CLEC2D: variants seen among roughly 807,000 people sequenced by gnomAD.
CLEC2D encodes C-type lectin related f.
CLEC2D carries 16 observed loss-of-function variants against 20.0 expected under a neutral mutation model. That is an observed-to-expected ratio of 0.80 (90% CI 0.54 to 1.22). The LOEUF is 1.22. CLEC2D is among the 50% of genes most tolerant of loss of function. The pLI is 0.00. For synonymous variants in CLEC2D, 77 were observed against 71.1 expected (o/e 1.08, Z -0.42); for missense variants, 207 against 221.5 (o/e 0.93, Z 0.42).
intron 3 of CLEC2D, among the ~76,000 whole-genome samples, 187 bp from the exon 4 acceptor site, chr12:9,692,639 TCA>T (rs1431795708): frequency 1.3e-5 from 2 of 152,184 alleles, no homozygotes; most frequent in African/African-American, 4.8e-5. Context: ...ACAATTTCTC[TCA>T]GTTTTAAATT....
In CLEC2D at chr12:9,695,727, C is replaced by T; in HGVS notation, c.*853C>T. The T allele has an allele frequency of 6.7e-7, 1 of 1,488,986 alleles. No homozygotes were observed. The highest frequency in any genetic ancestry group is 1.4e-5 in the African/African-American group (1 of 72,572). 92.2% of individuals were successfully genotyped at this position (1,488,986 alleles called of 1,614,324 possible). A position where few individuals can be genotyped will look rare whatever the true frequency, so the allele number is the denominator to read the frequency against. ...GGCCAGTGCATATTAGTGGACAGCA[C>T]TTAGTAGCTGTGAAGGAAGGTGCAG... On this transcript the variant is annotated 3_prime_UTR_variant, in exon 5 of 5. Transcript: ENST00000290855.
rs1866038672 is a variant in CLEC2D, at chr12:9,698,014, A to G, written c.*3140A>G. The G allele has an allele frequency of 6.6e-6, 1 of 152,210 alleles. No individual in the cohort carries two copies. Among genetic ancestry groups the G allele is most frequent in the Admixed American group, 6.5e-5 (1 of 15,276 alleles). 9.4% of individuals were successfully genotyped at this position (152,210 alleles called of 1,614,324 possible). Reference sequence around the variant, plus strand: ...AAAAACATCACATTATACACATCAAATATATACAATAAAAAAGCACATTGG... The same window carrying G: ...AAAAACATCACATTATACACATCAAGTATATACAATAAAAAAGCACATTGG... On this transcript the variant is annotated 3_prime_UTR_variant, in exon 5 of 5. Transcript: ENST00000290855.
At chr12:9,690,337 T>C (rs1485581846) in intron 3 of CLEC2D, among the ~76,000 whole-genome samples, 1 of 152,080 alleles carries the variant, frequency 6.6e-6, no homozygotes, top group Non-Finnish European at 1.5e-5. Flanking sequence ...TTATTACCAG[T>C]AGACATGTGC....
rs922966586 is a variant in CLEC2D, at chr12:9,695,892, T to C, written c.*1018T>C. ...ATGATGAAGATGATGATGATGATGA[T>C]GACGAGGAAGCTGAAGAAAAAGCGC... On this transcript the variant is annotated 3_prime_UTR_variant, in exon 5 of 5. Transcript: ENST00000290855. The C allele has an allele frequency of 7.8e-5, 86 of 1,103,278 alleles. No individual in the cohort carries two copies. The Middle Eastern group carries it at 8.5e-4, about 11-fold the overall frequency. The allele number at this position is 1,103,278 out of a possible 1,614,324, so 68.3% of individuals were successfully genotyped here.
chr12:9,684,969 C>T (rs1294299037), intron 2 of CLEC2D, among the ~76,000 whole-genome samples: 2 of 152,162 alleles, frequency 1.3e-5, no homozygotes, highest in South Asian at 2.1e-4. Context: ...AGCTCCTCTT[C>T]GTACCTCTGG....
chr12:9,681,144 T>C (rs915497282), intron 2 of CLEC2D, 111 bp downstream of exon 2: 2 of 622,596 alleles, frequency 3.2e-6, no homozygotes, highest in Non-Finnish European at 5.4e-6. Context: ...ATTGTCTCAC[T>C]AACTGAGTTA....
intron 1 of CLEC2D, among the ~76,000 whole-genome samples, chr12:9,677,043 AT>A (rs58691816): frequency 0.5 from 72,500 of 145,024 alleles, 17,728 homozygotes; most frequent in Middle Eastern, 0.57. Context: ...AGCCTTATCC[AT>A]TTTTTTTTTT....
At position 9,697,805 on chromosome 12, in the gene CLEC2D, C is replaced by G. The variant is rs985551732; in HGVS notation, c.*2931C>G. 2 of 151,940 alleles carry G rather than the reference C, an allele frequency of 1.3e-5. No homozygotes were observed. The highest frequency in any genetic ancestry group is 6.6e-5 in the Admixed American group (1 of 15,250). 9.4% of individuals were successfully genotyped at this position (151,940 alleles called of 1,614,324 possible). ...ATACAGAGACACAGGTCAAAAGATACAGAGTTGCAGTTACAAAGGGTGAGT... is the reference window on the plus strand; with the variant it reads ...ATACAGAGACACAGGTCAAAAGATAGAGAGTTGCAGTTACAAAGGGTGAGT... On this transcript the variant is annotated 3_prime_UTR_variant, in exon 5 of 5. Coordinates refer to ENST00000290855, the MANE Select transcript of CLEC2D (RefSeq NM_013269.6).
rs1230235081 is a variant in CLEC2D, at chr12:9,677,723, T to A, written c.62-3200T>A. On this transcript the variant is annotated intron_variant, in intron 1 of 4. Coordinates refer to ENST00000290855, the MANE Select transcript of CLEC2D (RefSeq NM_013269.6). ...TCTTTCTTTCTTTTTTTTTTTTTTT[T>A]TTTTTATTTTGTTGTTTTTGAGACA... 6.2e-4 allele frequency among the ~76,000 whole-genome samples: 93 copies of A among 150,592 alleles called. 1 individual carries two copies. The highest frequency in any genetic ancestry group is 2.0e-3 in the African/African-American group (84 of 41,154).
At chr12:9,685,410 A>G (rs2120944321) in intron 2 of CLEC2D, among the ~76,000 whole-genome samples, 1 of 152,318 alleles carries the variant, frequency 6.6e-6, no homozygotes, top group African/African-American at 2.4e-5. Context: ...GCTGGCAGGA[A>G]TGTTTAAGTC....
At chr12:9,687,134 A>C (rs1484418751) in intron 2 of CLEC2D, among the ~76,000 whole-genome samples, 1 of 152,158 alleles carries the variant, frequency 6.6e-6, no homozygotes, top group African/African-American at 2.4e-5. Context: ...CATTATTATT[A>C]CATTGTGTAA....
At chr12:9,674,763 T>A (rs7972035) in intron 1 of CLEC2D, among the ~76,000 whole-genome samples, 13,070 of 152,312 alleles carry the variant, frequency 0.086, 611 homozygotes, top group African/African-American at 0.12. Context: ...ATAATTTGTC[T>A]TTTCATTATT....
rs1026620592 is a variant in CLEC2D at position 9,698,955 on chromosome 12, C to A, written c.*4081C>A. The A allele has an allele frequency of 7.2e-5, 11 of 152,124 alleles. No homozygotes were observed. In the East Asian group the frequency reaches 1.3e-3, roughly 19 times the overall value. 9.4% of individuals were successfully genotyped at this position (152,124 alleles called of 1,614,324 possible). A position where few individuals can be genotyped will look rare whatever the true frequency, so the allele number is the denominator to read the frequency against. On this transcript the variant is annotated 3_prime_UTR_variant, in exon 5 of 5. Transcript: ENST00000290855. ...AATAAGAAAACAGTTAATTCTGGTG[C>A]CTTCCATGGGTTTTCATTAACTGAA...
In CLEC2D at chr12:9,698,922, A is replaced by G. The variant is rs1455920982; in HGVS notation, c.*4048A>G. On this transcript the variant is annotated 3_prime_UTR_variant, in exon 5 of 5. Coordinates refer to ENST00000290855, the MANE Select transcript of CLEC2D (RefSeq NM_013269.6). ...GTTCCTTTATCTGCTTTAAGTTCAG[A>G]CTCACCAAATAAGAAAACAGTTAAT... The G allele has an allele frequency of 2.0e-5, 3 of 152,134 alleles. No homozygotes were observed. The highest frequency in any genetic ancestry group is 4.4e-5 in the Non-Finnish European group (3 of 68,010). The allele number at this position is 152,134 out of a possible 1,614,324, so 9.4% of individuals were successfully genotyped here. A position where few individuals can be genotyped will look rare whatever the true frequency, so the allele number is the denominator to read the frequency against.
At chr12:9,693,806 G>C (rs1019278999) in intron 4 of CLEC2D, 16 of 448,052 alleles carry the variant, frequency 3.6e-5, no homozygotes, top group Non-Finnish European at 5.8e-5. Context: ...ATGGTTTTTT[G>C]TTTGTTTGTA....
At chr12:9,672,246 C>G (rs1218071352) in intron 1 of CLEC2D, among the ~76,000 whole-genome samples, 1 of 152,134 alleles carries the variant, frequency 6.6e-6, no homozygotes, top group Non-Finnish European at 1.5e-5. Context: ...AAACCCACTC[C>G]CATTATAAGG....
chr12:9,690,776 G>T (rs370556343), intron 3 of CLEC2D, among the ~76,000 whole-genome samples: 1 of 151,694 alleles, frequency 6.6e-6, no homozygotes, highest in Admixed American at 6.6e-5. Context: ...AAGGAAAAAA[G>T]AAAAACAATA....
Position 9,696,312 on chromosome 12 carries a change from T to C in CLEC2D, c.*1438T>C. 1.6e-6 allele frequency: 1 copy of C among 640,566 alleles called. No homozygotes were observed. The highest frequency in any genetic ancestry group is 1.5e-5 in the South Asian group (1 of 64,932). 39.7% of individuals were successfully genotyped at this position (640,566 alleles called of 1,614,324 possible). On this transcript the variant is annotated 3_prime_UTR_variant, in exon 5 of 5. Transcript: ENST00000290855. The stretch of plus-strand genomic sequence containing the variant: ...AGTTGATATCTGGCTGTCCTTTTTA[T>C]AGTGCAGAGTGAGAACTTTCCCTAC...
chr12:9,685,648 A>G (rs561778810), intron 2 of CLEC2D, among the ~76,000 whole-genome samples: 230 of 152,168 alleles, frequency 1.5e-3, no homozygotes, highest in Non-Finnish European at 2.5e-3. Flanking sequence ...GGCTTTGTTT[A>G]CACTGTGAGG....
Sources: gnomAD v4.1 joint callset for allele counts (sites outside exome capture counted in the v4.1 genomes callset) on GRCh38, gnomAD v4.1.1 for gene constraint, MANE v1.5 for transcripts, NCBI Gene and HGNC (gene_info 2026-07-23, HGNC 2026-07-21) for gene names.